Variants in CD72 observed in about 807,000 individuals in gnomAD.
CD72 encodes CD72 molecule, also known as B-cell differentiation antigen CD72.
Under a neutral mutation model 50.7 loss-of-function variants are expected in CD72, and 28 were observed. The observed-to-expected ratio is 0.55, with a 90% CI of 0.41 to 0.76. CD72 has a LOEUF of 0.76. CD72 is among the 30% of genes least tolerant of loss of function. The pLI, the probability that CD72 is intolerant of heterozygous loss-of-function variation, is 0.00. For missense variants in CD72, 403 were observed against 420.6 expected (o/e 0.96, Z 0.37); for synonymous variants, 176 against 171.2 (o/e 1.03, Z -0.22).
chr9:35,616,815 G>A, intron 3 of CD72, 126 bp from the exon 4 acceptor site: 1 of 1,012,250 alleles, frequency 9.9e-7, no homozygotes, highest in Non-Finnish European at 1.5e-6. Flanking sequence ...GCAGAGCTGA[G>A]GGGGCAAGCA....
chr9:35,633,293 G>C (rs1358135122), intron 1 of CD72, among the ~76,000 whole-genome samples: 2 of 150,034 alleles, frequency 1.3e-5, no homozygotes, highest in African/African-American at 4.9e-5. Context: ...ATTAGTGTTA[G>C]CTTTAGTTAT....
At chr9:35,638,590 A>C (rs986210039) in intron 1 of CD72, among the ~76,000 whole-genome samples, 2 of 149,808 alleles carry the variant, frequency 1.3e-5, no homozygotes, top group Non-Finnish European at 1.5e-5. Flanking sequence ...TTCTCATCAG[A>C]CCCCGCTAAA....
At chr9:35,635,878 G>A (rs752897022) in intron 1 of CD72, among the ~76,000 whole-genome samples, 19 of 152,146 alleles carry the variant, frequency 1.2e-4, no homozygotes, top group Non-Finnish European at 2.6e-4. Context: ...GTCAGAGGGG[G>A]TGTGGAATGG....
In CD72 at chr9:35,627,422, G is replaced by A. The variant is rs137960087; in HGVS notation, n.409-9301C>T. Among the ~76,000 whole-genome samples the A allele has an allele frequency of 4.0e-5, 6 of 151,334 alleles. No individual in the cohort carries two copies. In the East Asian group the frequency reaches 5.8e-4, roughly 15 times the overall value. ...TAGGATTACAGGCGAGAGCCACTGC[G>A]CCCGGCTAAACATAACTTTTATATG... On this transcript the variant is annotated intron_variant and non_coding_transcript_variant, in intron 1 of 3. Transcript: ENST00000465754.
intron 5 of CD72, among the ~76,000 whole-genome samples, chr9:35,613,416 A>G (rs980385067): frequency 6.6e-6 from 1 of 152,084 alleles, no homozygotes; most frequent in African/African-American, 2.4e-5. Flanking sequence ...ACTGTTTTGC[A>G]GAAACTGAGC....
chr9:35,625,376 C>A (rs911556112), intron 1 of CD72, among the ~76,000 whole-genome samples: 12 of 152,186 alleles, frequency 7.9e-5, no homozygotes, highest in African/African-American at 1.4e-4. Flanking sequence ...CTCTTCAATT[C>A]TCTGGAGGCT....
intron 1 of CD72, among the ~76,000 whole-genome samples, chr9:35,630,005 G>A (rs1823228705): frequency 7.0e-6 from 1 of 142,580 alleles, no homozygotes; most frequent in African/African-American, 2.6e-5. Context: ...GTGGCCTTAT[G>A]TTATCATATT....
At chr9:35,614,539 A>C (rs905264020) in intron 5 of CD72, among the ~76,000 whole-genome samples, 1 of 152,212 alleles carries the variant, frequency 6.6e-6, no homozygotes, top group Non-Finnish European at 1.5e-5. Context: ...TATGGAGAGC[A>C]AGCTGACCAT....
chr9:35,641,327 A>G (rs933829505), intron 1 of CD72, among the ~76,000 whole-genome samples: 1 of 150,952 alleles, frequency 6.6e-6, no homozygotes, highest in Non-Finnish European at 1.5e-5. Flanking sequence ...CAATTCTGGA[A>G]GAGACAAACT....
chr9:35,645,577 G>T (rs997709217), intron 1 of CD72, among the ~76,000 whole-genome samples: 6 of 136,668 alleles, frequency 4.4e-5, no homozygotes, highest in African/African-American at 1.3e-4. Flanking sequence ...ACAAGACTCC[G>T]TCTCAAAAAA....
Position 35,616,274 on chromosome 9 carries a change from C to T in CD72, c.357G>A (p.Leu119=). 6.2e-7 allele frequency: 1 copy of T among 1,611,688 alleles called. No homozygotes were observed. Among genetic ancestry groups the T allele is most frequent in the Non-Finnish European group, 8.5e-7 (1 of 1,178,516 alleles). ...VTAICLGVRY[L]QVSQQLQQTN... is the part of the protein sequence containing the mutation. ...TCTGCTGGAGCTGCTGAGACACCTG[C>T]AGATCTGTTTGGCCACAGAGATTTG... is the stretch of plus-strand genomic sequence containing the variant. Residue 119 remains leucine (L), a synonymous_variant, in exon 5 of 9, where the codon CTG becomes CTA. Coordinates refer to ENST00000259633, the MANE Select transcript of CD72 (RefSeq NM_001782.3).
At chr9:35,635,779 G>A (rs908305332) in intron 1 of CD72, among the ~76,000 whole-genome samples, 2 of 152,174 alleles carry the variant, frequency 1.3e-5, no homozygotes, top group Non-Finnish European at 2.9e-5. Context: ...TTGGCTCTGA[G>A]GCTGTTTTCC....
chr9:35,625,285 G>A (rs1823186334), intron 1 of CD72, among the ~76,000 whole-genome samples: 2 of 152,350 alleles, frequency 1.3e-5, no homozygotes, highest in African/African-American at 2.4e-5. Context: ...TATGGAGAGC[G>A]TTTGAGTGGT....
At position 35,617,907 on chromosome 9, in the gene CD72, A is replaced by G. The variant is rs1024825731; in HGVS notation, c.190+107T>C. ...GATCACACCACTGCACTCCAGCCTG[A>G]GTGACAGAACAAGACCCTGTCTCAA... is the stretch of plus-strand genomic sequence containing the variant. On this transcript the variant is annotated intron_variant, in intron 2 of 8. Coordinates refer to ENST00000259633, the MANE Select transcript of CD72 (RefSeq NM_001782.3). 13 of 767,804 alleles carry G rather than the reference A, an allele frequency of 1.7e-5. No individual in the cohort carries two copies. The African/African-American group carries it at 2.0e-4, about 12-fold the overall frequency. The allele number at this position is 767,804 out of a possible 1,614,324, so 47.6% of individuals were successfully genotyped here.
At chr9:35,638,455 C>A (rs1823311301) in intron 1 of CD72, among the ~76,000 whole-genome samples, 1 of 152,122 alleles carries the variant, frequency 6.6e-6, no homozygotes, top group Non-Finnish European at 1.5e-5. Flanking sequence ...TGTTCTGCGA[C>A]TAGCTCTCCC....
chr9:35,627,885 G>GGTACAGTGGTGGGTAC (rs1554649223), intron 1 of CD72, among the ~76,000 whole-genome samples: 9 of 151,782 alleles, frequency 5.9e-5, no homozygotes, highest in African/African-American at 2.2e-4. Flanking sequence ...ACCCAGGCTG[G>GGTACAGTGGTGGGTAC]AGTACAGTGG....
upstream of CD72, chr9:35,618,768 G>T (rs546955671): frequency 3.7e-5 from 48 of 1,288,514 alleles, no homozygotes; most frequent in South Asian, 5.4e-4. Context: ...GCTCCAGGGT[G>T]AGGCTCCGTT....
intron 1 of CD72, among the ~76,000 whole-genome samples, chr9:35,631,848 G>A (rs999457650): frequency 4.6e-5 from 7 of 151,944 alleles, no homozygotes; most frequent in Non-Finnish European, 7.4e-5. Flanking sequence ...CGAGATCGCC[G>A]AGCCACTGCA....
upstream of CD72, among the ~76,000 whole-genome samples, chr9:35,621,577 A>G (rs897309600): frequency 1.3e-5 from 2 of 152,228 alleles, no homozygotes; most frequent in Non-Finnish European, 2.9e-5. Flanking sequence ...TGACTATGTC[A>G]CTTTACCTGA....
Sources: gnomAD v4.1 joint callset for allele counts (sites outside exome capture counted in the v4.1 genomes callset) on GRCh38, gnomAD v4.1.1 for gene constraint, MANE v1.5 for transcripts, NCBI Gene and HGNC (gene_info 2026-07-23, HGNC 2026-07-21) for gene names.